The following CHN1 variants were observed in gnomAD, a reference collection of about 807,000 sequenced individuals.
The protein encoded by CHN1 is chimerin 1.
A neutral mutation model predicts 59.5 loss-of-function variants in CHN1; 37 were observed. That is an observed-to-expected ratio of 0.62 (90% CI 0.48 to 0.82). The LOEUF is 0.82. Among genes scored for constraint, CHN1 ranks in the 40% least tolerant of loss-of-function variants. CHN1 has a pLI of 0.00. For missense variants in CHN1, 469 were observed against 571.0 expected (o/e 0.82, Z 1.82); for synonymous variants, 206 against 200.4 (o/e 1.03, Z -0.24).
chr2:174,820,958 A>G (rs1685471481), intron 8 of CHN1, among the ~76,000 whole-genome samples: 1 of 152,242 alleles, frequency 6.6e-6, no homozygotes, highest in African/African-American at 2.4e-5. Flanking sequence ...AAAAGAAGGC[A>G]GAACAAAGCA....
rs1421136111 is a variant in CHN1 at position 174,915,050 on chromosome 2, T to C, written c.260+8A>G. On this transcript the variant is annotated splice_region_variant and intron_variant, in intron 5 of 12. Transcript: ENST00000409900. ...AAGCACAGTAGTAATTGCAGGCCCA[T>C]GACCAACCTTAAAGCCAAAGTGTAG... The C allele has an allele frequency of 1.9e-6, 3 of 1,589,246 alleles. No homozygotes were observed. Among genetic ancestry groups the C allele is most frequent in the Admixed American group, 1.7e-5 (1 of 58,662 alleles).
At chr2:174,982,407 C>T (rs1691184795) in intron 1 of CHN1, among the ~76,000 whole-genome samples, 1 of 152,280 alleles carries the variant, frequency 6.6e-6, no homozygotes, top group South Asian at 2.1e-4. Context: ...AGTTTACAGT[C>T]CCACCAACAG....
intron 5 of CHN1, among the ~76,000 whole-genome samples, chr2:174,896,566 T>C (rs1195325264): frequency 1.3e-5 from 2 of 152,188 alleles, no homozygotes; most frequent in East Asian, 1.9e-4. Context: ...CCAATACATG[T>C]ATTTGTGCTG....
At chr2:174,984,472 G>A (rs920077328) in intron 1 of CHN1, among the ~76,000 whole-genome samples, 7 of 150,212 alleles carry the variant, frequency 4.7e-5, no homozygotes, top group African/African-American at 7.4e-5. Context: ...CGGTTGAAGC[G>A]ATTCTCCTGC....
chr2:175,005,193 CG>C lies in CHN1; in HGVS notation c.-282del. ...TGCCATCAGGCGCGGAGCGTGCGCGCGGGAGGAGGTACCTGCGAGGCAGGAG... is the reference window on the plus strand; with the variant it reads ...TGCCATCAGGCGCGGAGCGTGCGCGCGGAGGAGGTACCTGCGAGGCAGGAG... On this transcript the variant is annotated 5_prime_UTR_variant, in exon 1 of 13. It removes the in-frame stop codon of an upstream open reading frame in the 5' UTR. Coordinates refer to ENST00000409900, the MANE Select transcript of CHN1 (RefSeq NM_001822.7). 1 of 1,242,190 alleles carries C rather than the reference CG, an allele frequency of 8.1e-7. No homozygotes were observed. The highest frequency in any genetic ancestry group is 1.0e-6 in the Non-Finnish European group (1 of 989,608). 76.9% of individuals were successfully genotyped at this position (1,242,190 alleles called of 1,614,324 possible).
At chr2:174,916,213 C>A (rs899862937) in intron 4 of CHN1, among the ~76,000 whole-genome samples, 1 of 152,184 alleles carries the variant, frequency 6.6e-6, no homozygotes, top group Non-Finnish European at 1.5e-5. Context: ...CTATCATTTA[C>A]CTTCCCGTAA....
intron 5 of CHN1, among the ~76,000 whole-genome samples, chr2:174,885,850 A>G (rs1343448915): frequency 2.6e-5 from 4 of 152,244 alleles, no homozygotes; most frequent in Non-Finnish European, 5.9e-5. Flanking sequence ...CACAGGACCA[A>G]TACTAAATAC....
chr2:174,992,214 T>C (rs965925314), intron 1 of CHN1, among the ~76,000 whole-genome samples: 1 of 152,104 alleles, frequency 6.6e-6, no homozygotes, highest in Non-Finnish European at 1.5e-5. Flanking sequence ...GATGGAAGAA[T>C]AAACACAAAG....
intron 5 of CHN1, among the ~76,000 whole-genome samples, chr2:174,898,297 T>C (rs1574140991): frequency 6.6e-6 from 1 of 152,140 alleles, no homozygotes; most frequent in East Asian, 1.9e-4. Context: ...AACAACTATT[T>C]TGGGTAAGAA....
In CHN1 at chr2:174,877,951, T is replaced by TA. The variant is rs1265724147; in HGVS notation, c.437dup (p.Gly147ArgfsTer23). ...GCTCTCTGTTTAAGGTTGTGTATCC[T>TA]ACGTGCTCATAAATTGGGTTTATCG... On this transcript the variant is annotated frameshift_variant, in exon 6 of 13. Coordinates refer to ENST00000409900, the MANE Select transcript of CHN1 (RefSeq NM_001822.7). LOFTEE classifies it high-confidence loss of function. 6.2e-7 allele frequency: 1 copy of TA among 1,613,836 alleles called. No individual in the cohort carries two copies. The highest frequency in any genetic ancestry group is 8.5e-7 in the Non-Finnish European group (1 of 1,179,856).
chr2:175,004,976 TCATC>T lies in CHN1; in HGVS notation c.-68_-65del. 1 of 1,506,756 alleles carries T rather than the reference TCATC, an allele frequency of 6.6e-7. No homozygotes were observed. The allele number at this position is 1,506,756 out of a possible 1,614,324, so 93.3% of individuals were successfully genotyped here. ...CCTCCCAGGCGGGCTAGGGATCACC[TCATC>T]AGCCCGCCGCACCCACACCTCGGAG... On this transcript the variant is annotated 5_prime_UTR_variant, in exon 1 of 13. The change abolishes an upstream ATG in the 5' untranslated region. Transcript: ENST00000409900.
At chr2:174,980,922 G>C (rs1377247497) in intron 1 of CHN1, among the ~76,000 whole-genome samples, 2 of 152,138 alleles carry the variant, frequency 1.3e-5, no homozygotes, top group African/African-American at 4.8e-5. Flanking sequence ...AAACAATAAA[G>C]TAAGACACTC....
chr2:174,823,095 C>T (rs1300536613), intron 8 of CHN1, among the ~76,000 whole-genome samples: 2 of 152,010 alleles, frequency 1.3e-5, no homozygotes, highest in Non-Finnish European at 2.9e-5. Context: ...AGAATCAGAC[C>T]CCAGAAATTT....
chr2:174,827,183 G>C (rs540021345), intron 7 of CHN1, among the ~76,000 whole-genome samples: 13 of 152,138 alleles, frequency 8.5e-5, no homozygotes, highest in Non-Finnish European at 1.8e-4. Flanking sequence ...ATTTGTAAAA[G>C]GTTGATTACT....
In CHN1 at chr2:174,870,294, T is replaced by A. The variant is rs1671315846; in HGVS notation, c.549+7546A>T. Among the ~76,000 whole-genome samples the A allele has an allele frequency of 2.0e-5, 3 of 152,186 alleles. No homozygotes were observed. In the South Asian group the frequency reaches 6.2e-4, roughly 32 times the overall value. ...TGTTGAAAGAATCCCGTTACTGCAA[T>A]ATAATGTCTACGTTTAAGCATTTTT... On this transcript the variant is annotated intron_variant, in intron 6 of 12. Coordinates refer to ENST00000409900, the MANE Select transcript of CHN1 (RefSeq NM_001822.7).
intron 3 of CHN1, chr2:174,920,881 C>G (rs910579799): frequency 5.0e-6 from 2 of 399,620 alleles, no homozygotes; most frequent in Non-Finnish European, 1.0e-5. Context: ...AGTAGGAGCC[C>G]TGAGCTTGTT....
intron 6 of CHN1, 148 bp downstream of exon 6, chr2:174,877,692 A>G (rs1687610800): frequency 1.8e-6 from 1 of 564,018 alleles, no homozygotes; most frequent in Non-Finnish European, 2.9e-6. Context: ...AGTTATATGC[A>G]AAGCTCAGCA....
intron 1 of CHN1, among the ~76,000 whole-genome samples, chr2:175,002,942 A>G (rs1691936572): frequency 6.6e-6 from 1 of 152,186 alleles, no homozygotes; most frequent in Admixed American, 6.5e-5. Flanking sequence ...TACATCTCTC[A>G]ACATACACAA....
chr2:174,959,195 G>C (rs1690317285), intron 1 of CHN1, among the ~76,000 whole-genome samples: 1 of 152,180 alleles, frequency 6.6e-6, no homozygotes, highest in South Asian at 2.1e-4. Context: ...AGAGCAATTA[G>C]CTATATATAC....
Sources: allele counts gnomAD v4.1 joint callset (sites outside exome capture counted in the v4.1 genomes callset), GRCh38; gene constraint gnomAD v4.1.1; transcripts MANE v1.5; gene names NCBI Gene and HGNC (gene_info 2026-07-23, HGNC 2026-07-21).